Variants in MSI2 observed in about 807,000 individuals in gnomAD.
The protein encoded by MSI2 is musashi RNA binding protein 2.
A neutral mutation model predicts 45.6 loss-of-function variants in MSI2; 17 were observed. The observed-to-expected ratio is 0.37, with a 90% CI of 0.26 to 0.56. MSI2 has a LOEUF of 0.56. MSI2 is among the 20% of genes least tolerant of loss of function. The probability of loss-of-function intolerance (pLI) is 0.77; values close to 1 mark genes in which losing one functional copy is unlikely to be tolerated. For missense variants in MSI2, 293 were observed against 444.2 expected, an observed-to-expected ratio of 0.66 and a Z score of 3.06; for synonymous variants, 156 against 158.2, an observed-to-expected ratio of 0.99 and a Z score of 0.11.
At chr17:57,452,921 C>A (rs1213046727) in intron 6 of MSI2, among the ~76,000 whole-genome samples, 1 of 150,938 alleles carries the variant, frequency 6.6e-6, no homozygotes, top group Non-Finnish European at 1.5e-5. Context: ...TAACCTCAGA[C>A]TGGGGAAGGA....
chr17:57,328,206 TCATCCATC>T (rs749196401), intron 5 of MSI2, among the ~76,000 whole-genome samples: 1 of 152,110 alleles, frequency 6.6e-6, no homozygotes, highest in Non-Finnish European at 1.5e-5. Context: ...GTCCTTCTGT[TCATCCATC>T]CATCCATCCA....
At chr17:57,650,357 TGG>T (rs1260788202) in intron 10 of MSI2, among the ~76,000 whole-genome samples, 1 of 152,216 alleles carries the variant, frequency 6.6e-6, no homozygotes, top group Non-Finnish European at 1.5e-5. Context: ...AGCAGAAGCC[TGG>T]GTGTCCTGGG....
intron 7 of MSI2, among the ~76,000 whole-genome samples, chr17:57,562,680 T>C (rs1050068971): frequency 1.2e-4 from 18 of 152,210 alleles, no homozygotes; most frequent in Non-Finnish European, 1.8e-4. Flanking sequence ...TAAAAAAATG[T>C]AGTCACTGCA....
chr17:57,471,702 GC>G (rs1268019227), intron 6 of MSI2, among the ~76,000 whole-genome samples: 1 of 152,028 alleles, frequency 6.6e-6, no homozygotes, highest in Non-Finnish European at 1.5e-5. Context: ...GCAGCTGTAA[GC>G]CCCCACCCCG....
At chr17:57,647,197 G>C (rs1910727104) in intron 10 of MSI2, among the ~76,000 whole-genome samples, 2 of 148,374 alleles carry the variant, frequency 1.3e-5, no homozygotes, top group Non-Finnish European at 3.0e-5. Flanking sequence ...GAGAGGCCAA[G>C]GTGGGCAGAT....
chr17:57,699,284 A>G, the MSI2 span, among the ~76,000 whole-genome samples: 1 of 150,288 alleles, frequency 6.7e-6, no homozygotes, highest in South Asian at 2.2e-4. Flanking sequence ...AGGGAGAGAG[A>G]GAGAGAGAGT....
intron 7 of MSI2, among the ~76,000 whole-genome samples, chr17:57,561,049 C>T (rs1219000046): frequency 4.6e-5 from 7 of 152,202 alleles, no homozygotes; most frequent in Non-Finnish European, 7.3e-5. Context: ...AAGCAAATGG[C>T]GGTGAGGTCG....
At chr17:57,324,269 A>G (rs992581106) in intron 5 of MSI2, among the ~76,000 whole-genome samples, 1 of 152,288 alleles carries the variant, frequency 6.6e-6, no homozygotes, top group East Asian at 1.9e-4. Flanking sequence ...CGGAGCCCAC[A>G]CCCTGGTCCT....
At position 57,391,186 on chromosome 17, in the gene MSI2, G is replaced by A. The variant is rs139247703; in HGVS notation, c.313-10193G>A. On this transcript the variant is annotated intron_variant, in intron 5 of 13. Transcript: ENST00000284073. ...AGCACAGCCGGTGTGAAGAGCCTCA[G>A]GCATTTCTCAGCGTGGGAATAGGCA... Among the ~76,000 whole-genome samples, 475 of 152,316 alleles carry A rather than the reference G, an allele frequency of 3.1e-3. 3 individuals are homozygous for A. The highest frequency in any genetic ancestry group is 0.011 in the African/African-American group (458 of 41,566).
At chr17:57,602,339 T>C (rs1213045382) in intron 8 of MSI2, among the ~76,000 whole-genome samples, 1 of 152,066 alleles carries the variant, frequency 6.6e-6, no homozygotes, top group Non-Finnish European at 1.5e-5. Context: ...CTGTTTTTTG[T>C]TTTTTGTTTG....
rs886265360 is a variant in MSI2 at position 57,369,725 on chromosome 17, C to T, written c.313-31654C>T. Among the ~76,000 whole-genome samples the T allele has an allele frequency of 2.4e-4, 36 of 152,182 alleles. 1 individual carries two copies. Among genetic ancestry groups the T allele is most frequent in the Non-Finnish European group, 4.7e-4 (32 of 68,036 alleles). Reference sequence around the variant, plus strand: ...TGTGACTCATCTCATTTAATGGTCACGCTGTTCCTGTGAGTAAAAGCTGTC... The same window carrying T: ...TGTGACTCATCTCATTTAATGGTCATGCTGTTCCTGTGAGTAAAAGCTGTC... On this transcript the variant is annotated intron_variant, in intron 5 of 13. Transcript: ENST00000284073.
intron 5 of MSI2, chr17:57,267,791 G>A (rs919254113): frequency 2.0e-5 from 3 of 152,084 alleles, no homozygotes; most frequent in African/African-American, 7.2e-5. Context: ...CAGTCTCGAC[G>A]TCTTAGCTTG....
At position 57,258,292 on chromosome 17, in the gene MSI2, G is replaced by A; in HGVS notation, c.208G>A (p.Ala70Thr). The change falls in exon 4 of 14, where the codon GCA (alanine) becomes ACA (threonine). Residue 70 changes from alanine to threonine, a missense_variant. Ala to Thr is a moderately conservative substitution (Grantham distance 58). Transcript: ENST00000284073. ...CAGAGGCTTCGGTTTCGTCACGTTC[G>A]CAGACCCAGCAAGTGTAGATAAAGT... ...RSRGFGFVTF[A>T]DPASVDKVLG... 6.2e-7 allele frequency: 1 copy of A among 1,614,054 alleles called. No homozygotes were observed. The highest frequency in any genetic ancestry group is 8.5e-7 in the Non-Finnish European group (1 of 1,179,974).
rs115432323 is a variant in MSI2, at chr17:57,613,812, A to G, written c.538-2158A>G. Among the ~76,000 whole-genome samples the G allele has an allele frequency of 8.5e-3, 1,297 of 152,310 alleles. 19 individuals are homozygous for G. The highest frequency in any genetic ancestry group is 0.029 in the African/African-American group (1,210 of 41,556). On this transcript the variant is annotated intron_variant, in intron 8 of 13. Transcript: ENST00000284073. ...TAATCTATAGAACTCTGTATTAAGC[A>G]TATTAGTCATGAATGTTGAACCATT...
intron 8 of MSI2, among the ~76,000 whole-genome samples, chr17:57,603,403 G>A (rs542611422): frequency 2.2e-4 from 34 of 152,364 alleles, no homozygotes; most frequent in African/African-American, 7.0e-4. Flanking sequence ...CAGGTCCACC[G>A]CTGGTGATTC....
intron 7 of MSI2, among the ~76,000 whole-genome samples, chr17:57,572,104 G>T (rs1234889948): frequency 2.0e-5 from 3 of 152,216 alleles, no homozygotes. Context: ...CAGGACAGGT[G>T]ACCCTGACAG....
intron 6 of MSI2, among the ~76,000 whole-genome samples, chr17:57,458,980 G>A (rs946648428): frequency 8.5e-5 from 13 of 152,222 alleles, no homozygotes; most frequent in South Asian, 4.1e-4. Flanking sequence ...GCTCAACCTC[G>A]TCAGTGGTTG....
rs1028787825 is a variant in MSI2 at position 57,566,595 on chromosome 17, G to A, written c.455-30273G>A. Among the ~76,000 whole-genome samples, 3 of 152,116 alleles carry A rather than the reference G, an allele frequency of 2.0e-5. No individual in the cohort carries two copies. The East Asian group carries it at 5.8e-4, about 29-fold the overall frequency. ...TTGGTAGAGGGCATGTGCAGAGTGAGGTATCATTTCAAGACACAGAATATA... is the reference window on the plus strand; with the variant it reads ...TTGGTAGAGGGCATGTGCAGAGTGAAGTATCATTTCAAGACACAGAATATA... On this transcript the variant is annotated intron_variant, in intron 7 of 13. Transcript: ENST00000284073.
chr17:57,652,052 C>T lies in MSI2; in HGVS notation c.728-47C>T, dbSNP rs1911190924. Reference sequence around the variant, plus strand: ...CCGTGACCTAGGTCTGTGCCTGGCCCTTTCAAGGATTCCTCCATGACTCAG... The same window carrying T: ...CCGTGACCTAGGTCTGTGCCTGGCCTTTTCAAGGATTCCTCCATGACTCAG... On this transcript the variant is annotated intron_variant, in intron 10 of 13. Coordinates refer to ENST00000284073, the MANE Select transcript of MSI2 (RefSeq NM_138962.4). The surrounding 1 kb of genome is among the most constrained non-coding windows in gnomAD (Gnocchi z 4.1). 3 of 1,593,432 alleles carry T rather than the reference C, an allele frequency of 1.9e-6. No individual in the cohort carries two copies. Among genetic ancestry groups the T allele is most frequent in the East Asian group, 4.5e-5 (2 of 44,762 alleles).
Sources: gnomAD v4.1 joint callset for allele counts (sites outside exome capture counted in the v4.1 genomes callset) on GRCh38, gnomAD v4.1.1 for gene constraint, Gnocchi (gnomAD v3.1) non-coding constraint, MANE v1.5 for transcripts, NCBI Gene and HGNC (gene_info 2026-07-23, HGNC 2026-07-21) for gene names.